ATP8B4: variants seen among roughly 807,000 people sequenced by gnomAD.
ATP8B4 encodes the protein ATPase phospholipid transporting 8B4 (putative).
ATP8B4 carries 133 observed loss-of-function variants against 145.6 expected under a neutral mutation model. That is an observed-to-expected ratio of 0.91 (90% confidence interval 0.79 to 1.05). ATP8B4 has a LOEUF of 1.05. ATP8B4 is among the 50% of genes least tolerant of loss of function. ATP8B4 has a pLI of 0.00. For missense variants in ATP8B4, 1,458 were observed against 1,425.2 expected (o/e 1.02, Z -0.37); for synonymous variants, 507 against 492.9 (o/e 1.03, Z -0.38).
intron 16 of ATP8B4, among the ~76,000 whole-genome samples, chr15:49,926,048 T>A (rs949633361): frequency 1.4e-4 from 21 of 152,150 alleles, no homozygotes; most frequent in African/African-American, 4.8e-4. Flanking sequence ...GTCTTTTTTT[T>A]ATCTTCCCAT....
chr15:50,115,933 T>G (rs1414530585), intron 1 of ATP8B4, among the ~76,000 whole-genome samples: 1 of 152,216 alleles, frequency 6.6e-6, no homozygotes, highest in African/African-American at 2.4e-5. Context: ...AATGGCACAA[T>G]TAGAATTCAG....
In ATP8B4 at chr15:50,056,714, TATAC is replaced by T. The variant is rs1248984653; in HGVS notation, c.88-9254_88-9251del. On this transcript the variant is annotated intron_variant, in intron 3 of 27. Coordinates refer to ENST00000284509, the MANE Select transcript of ATP8B4 (RefSeq NM_024837.4). ...ATATGTATATGTGTATATATATATATATACACACACACACACACACACACCTATA... is the reference window on the plus strand; with the variant it reads ...ATATGTATATGTGTATATATATATATACACACACACACACACACACCTATA... Among the ~76,000 whole-genome samples the T allele has an allele frequency of 8.2e-3, 1,163 of 142,446 alleles. 19 individuals carry two copies. Among genetic ancestry groups the T allele is most frequent in the African/African-American group, 0.031 (1,112 of 36,346 alleles). The allele number at this position is 142,446 out of a possible 152,430, so 93.5% of individuals were successfully genotyped here.
chr15:50,090,069 G>A (rs1025736204), intron 2 of ATP8B4, among the ~76,000 whole-genome samples: 3 of 152,100 alleles, frequency 2.0e-5, no homozygotes, highest in South Asian at 2.1e-4. Flanking sequence ...GCAGGGACAC[G>A]GATGGAGCTG....
chr15:49,969,082 C>T (rs2044830247), intron 13 of ATP8B4, among the ~76,000 whole-genome samples: 1 of 152,082 alleles, frequency 6.6e-6, no homozygotes, highest in African/African-American at 2.4e-5. Context: ...CCAATGAGAA[C>T]AAAGAAACGA....
chr15:49,966,312 A>G (rs567481958), intron 13 of ATP8B4, among the ~76,000 whole-genome samples: 1 of 152,312 alleles, frequency 6.6e-6, no homozygotes, highest in African/African-American at 2.4e-5. Context: ...TCAGGGAGCC[A>G]AGTGGTCTAA....
rs753562398 is a variant in ATP8B4 at position 49,976,742 on chromosome 15, G to A, written c.1034+2875C>T. Among the ~76,000 whole-genome samples the A allele has an allele frequency of 3.3e-5, 5 of 152,230 alleles. 1 individual carries two copies. In the East Asian group the frequency reaches 5.8e-4, roughly 18 times the overall value. ...AAAGTCTGAAGAGAAAATGGGCATCGTTTTTGTTTGGGAAAAGAGGATTCA... is the reference window on the plus strand; with the variant it reads ...AAAGTCTGAAGAGAAAATGGGCATCATTTTTGTTTGGGAAAAGAGGATTCA... On this transcript the variant is annotated intron_variant, in intron 12 of 27. Coordinates refer to ENST00000284509, the MANE Select transcript of ATP8B4 (RefSeq NM_024837.4).
chr15:49,927,433 T>C (rs928780265), intron 16 of ATP8B4, among the ~76,000 whole-genome samples: 3 of 152,072 alleles, frequency 2.0e-5, no homozygotes, highest in African/African-American at 4.8e-5. Context: ...ACCAGGATTG[T>C]TTTCTGCCTT....
At chr15:49,935,876 C>T (rs1157024659) in intron 14 of ATP8B4, among the ~76,000 whole-genome samples, 1 of 152,104 alleles carries the variant, frequency 6.6e-6, no homozygotes, top group African/African-American at 2.4e-5. Context: ...CTCTAAGTAA[C>T]ATACAGAAGG....
intron 4 of ATP8B4, among the ~76,000 whole-genome samples, chr15:50,045,428 T>C (rs1465467300): frequency 6.6e-6 from 1 of 152,080 alleles, no homozygotes; most frequent in Non-Finnish European, 1.5e-5. Flanking sequence ...AAGAGAGACA[T>C]AGTGACAGTG....
At chr15:50,110,238 C>A (rs1337588801) in intron 1 of ATP8B4, among the ~76,000 whole-genome samples, 2 of 152,000 alleles carry the variant, frequency 1.3e-5, no homozygotes, top group Admixed American at 1.3e-4. Flanking sequence ...AAAGTAACAT[C>A]GAAAAAATAA....
At chr15:50,104,866 T>TATACACACACACACAC (rs1555490759) in intron 2 of ATP8B4, among the ~76,000 whole-genome samples, 1 of 116,318 alleles carries the variant, frequency 8.6e-6, no homozygotes, top group Admixed American at 9.0e-5. Context: ...AAATGTTGCA[T>TATACACACACACACAC]ACACACACAC....
intron 20 of ATP8B4, among the ~76,000 whole-genome samples, chr15:49,915,805 C>A (rs2039676718): frequency 6.7e-6 from 1 of 149,268 alleles, no homozygotes; most frequent in African/African-American, 2.5e-5. Context: ...AGTATTTAGT[C>A]ATAGTTTCTA....
intron 23 of ATP8B4, among the ~76,000 whole-genome samples, chr15:49,882,969 G>C (rs1598893596): frequency 6.6e-6 from 1 of 152,208 alleles, no homozygotes; most frequent in East Asian, 1.9e-4. Flanking sequence ...TTCTTTTATA[G>C]TTATAGCCCA....
chr15:49,892,182 C>T (rs2036900718), intron 23 of ATP8B4, among the ~76,000 whole-genome samples: 1 of 151,048 alleles, frequency 6.6e-6, no homozygotes, highest in African/African-American at 2.4e-5. Flanking sequence ...ATCTGGGTTT[C>T]AGAATGTCAT....
rs376121010 is a variant in ATP8B4, at chr15:50,086,032, TATATA to T, written c.29-11852_29-11848del. Among the ~76,000 whole-genome samples, 149 of 105,630 alleles carry T rather than the reference TATATA, an allele frequency of 1.4e-3. 2 individuals carry two copies. The highest frequency in any genetic ancestry group is 3.1e-3 in the South Asian group (11 of 3,596). 69.3% of individuals were successfully genotyped at this position (105,630 alleles called of 152,430 possible). A position where few individuals can be genotyped will look rare whatever the true frequency, so the allele number is the denominator to read the frequency against. Reference sequence around the variant, plus strand: ...AATATATATAGATCTATATTTATTATATATAATATAATATATAGATCTATATATAT... The same window carrying T: ...AATATATATAGATCTATATTTATTATATATAATATATAGATCTATATATAT... On this transcript the variant is annotated intron_variant, in intron 2 of 27. Coordinates refer to ENST00000284509, the MANE Select transcript of ATP8B4 (RefSeq NM_024837.4).
At chr15:49,983,773 A>T (rs922196975) in intron 10 of ATP8B4, among the ~76,000 whole-genome samples, 1 of 152,204 alleles carries the variant, frequency 6.6e-6, no homozygotes, top group Non-Finnish European at 1.5e-5. Flanking sequence ...AGCATGGTCT[A>T]GCCCCTATCC....
chr15:49,965,952 G>C (rs555727296), intron 13 of ATP8B4, among the ~76,000 whole-genome samples: 1 of 152,246 alleles, frequency 6.6e-6, no homozygotes, highest in African/African-American at 2.4e-5. Flanking sequence ...TTAGACAGTG[G>C]GTGCAGCCCA....
chr15:49,961,217 CAA>C (rs2044043643), intron 14 of ATP8B4, among the ~76,000 whole-genome samples: 1 of 151,752 alleles, frequency 6.6e-6, no homozygotes, highest in African/African-American at 2.4e-5. Flanking sequence ...CTACTTATAA[CAA>C]GAGAAGTTAA....
At chr15:50,074,289 G>T (rs77018215) in intron 2 of ATP8B4, 104 bp from the exon 3 acceptor site, 27,645 of 972,200 alleles carry the variant, frequency 0.028, 499 homozygotes, top group Non-Finnish European at 0.034. Flanking sequence ...AAGGCTGCAA[G>T]AATTCTTTTC....
Sources: allele counts gnomAD v4.1 joint callset (sites outside exome capture counted in the v4.1 genomes callset), GRCh38; gene constraint gnomAD v4.1.1; transcripts MANE v1.5; gene names NCBI Gene and HGNC (gene_info 2026-07-23, HGNC 2026-07-21).